Variants in APOBEC3A observed in about 807,000 individuals in gnomAD.
APOBEC3A encodes DNA dC->dU-editing enzyme APOBEC-3A.
In APOBEC3A, 13 loss-of-function variants were observed where a neutral mutation model predicts 23.0. The ratio of observed to expected loss-of-function variants is 0.57; its 90% CI spans 0.37 to 0.90. The LOEUF (loss-of-function observed/expected upper bound fraction) is 0.90, where lower values mean the gene tolerates loss of function less well. APOBEC3A is among the 40% of genes least tolerant of loss of function. The probability of loss-of-function intolerance (pLI) is 0.01; values close to 1 mark genes in which losing one functional copy is unlikely to be tolerated. For missense variants in APOBEC3A, 179 were observed against 264.9 expected, an observed-to-expected ratio of 0.68 and a Z score of 2.25; for synonymous variants, 74 against 101.3, an observed-to-expected ratio of 0.73 and a Z score of 1.62.
intron 2 of APOBEC3A, 37 bp downstream of exon 2, chr22:38,959,723 T>G: frequency 6.2e-7 from 1 of 1,601,708 alleles, no homozygotes. Context: ...GGCAGGGCCC[T>G]TCCAATCCAG....
intron 3 of APOBEC3A, 40 bp downstream of exon 3, chr22:38,961,721 G>C: frequency 8.7e-7 from 1 of 1,146,348 alleles, no homozygotes; most frequent in East Asian, 2.6e-5. Context: ...GTGGGTGGGG[G>C]CAGGAGAGGT....
Position 38,957,726 on chromosome 22 carries a change from G to C in APOBEC3A, c.29+6G>C, listed in dbSNP as rs1243773924. ...AGCCCAGCATCCGGGCCCAGGTATG[G>C]GAAGCCCCTCCGAGCACCTCTGCGC... On this transcript the variant is annotated splice_donor_region_variant and intron_variant, in intron 1 of 4. Transcript: ENST00000249116. 1.9e-6 allele frequency: 3 copies of C among 1,611,732 alleles called. No individual in the cohort carries two copies. The highest frequency in any genetic ancestry group is 1.3e-5 in the African/African-American group (1 of 74,872).
chr22:38,958,110 C>G (rs946924408), intron 1 of APOBEC3A, among the ~76,000 whole-genome samples: 1 of 152,210 alleles, frequency 6.6e-6, no homozygotes, highest in African/African-American at 2.4e-5. Context: ...AGTGTCATCT[C>G]GTTCTCCCTA....
chr22:38,962,619 C>T lies in APOBEC3A; in HGVS notation c.*110C>T. On this transcript the variant is annotated 3_prime_UTR_variant, in exon 5 of 5. Transcript: ENST00000249116. ...CCGTTCACCACCATCTCCAGCTGCTCACAGACGCCAGCAAAGCAGTATGCT... is the reference window on the plus strand; with the variant it reads ...CCGTTCACCACCATCTCCAGCTGCTTACAGACGCCAGCAAAGCAGTATGCT... The T allele has an allele frequency of 6.3e-7, 1 of 1,585,266 alleles. No homozygotes were observed.
chr22:38,960,865 A>G (rs1922847567), intron 2 of APOBEC3A, among the ~76,000 whole-genome samples: 1 of 151,648 alleles, frequency 6.6e-6, no homozygotes, highest in Admixed American at 6.6e-5. Context: ...CAGGCCAATG[A>G]CCTCGGGGCT....
intron 1 of APOBEC3A, among the ~76,000 whole-genome samples, chr22:38,958,143 T>A (rs767805947): frequency 3.9e-5 from 6 of 152,206 alleles, no homozygotes; most frequent in Non-Finnish European, 8.8e-5. Flanking sequence ...GGGGGTTGCT[T>A]GTAGGACTGC....
Position 38,957,723 on chromosome 22 carries a change from A to G in APOBEC3A, c.29+3A>G, listed in dbSNP as rs771846964. 3 of 1,611,998 alleles carry G rather than the reference A, an allele frequency of 1.9e-6. No homozygotes were observed. The highest frequency in any genetic ancestry group is 2.5e-6 in the Non-Finnish European group (3 of 1,179,034). ...GCCAGCCCAGCATCCGGGCCCAGGT[A>G]TGGGAAGCCCCTCCGAGCACCTCTG... On this transcript the variant is annotated splice_donor_region_variant and intron_variant, in intron 1 of 4. Transcript: ENST00000249116.
rs765427744 is a variant in APOBEC3A, at chr22:38,962,146, T to C, written c.518T>C (p.Phe173Ser). 3 of 1,613,202 alleles carry C rather than the reference T, an allele frequency of 1.9e-6. No homozygotes were observed. In the East Asian group the frequency reaches 6.7e-5, roughly 36 times the overall value. The change falls in exon 4 of 5, where the codon TTC (phenylalanine) becomes TCC (serine). Residue 173 changes from phenylalanine to serine, a missense_variant. By Grantham distance (155) the Phe-to-Ser change is radical (BLOSUM62 -2). Transcript: ENST00000249116. ...DTFVDHQGCP[F>S]QPWDGLDEHS... ...TTTGTGGACCACCAGGGATGTCCCTTCCAGCCCTGGGATGGACTAGATGAG... is the reference window on the plus strand; with the variant it reads ...TTTGTGGACCACCAGGGATGTCCCTCCCAGCCCTGGGATGGACTAGATGAG...
chr22:38,960,518 G>A (rs1922832928), intron 2 of APOBEC3A, among the ~76,000 whole-genome samples: 1 of 152,184 alleles, frequency 6.6e-6, no homozygotes. Context: ...TTGCTGCCCT[G>A]CTGTCCCCAA....
At chr22:38,958,796 T>TTTCTTTCTTTCTTTCTTTCC (rs1569027431) in intron 1 of APOBEC3A, among the ~76,000 whole-genome samples, 1 of 135,880 alleles carries the variant, frequency 7.4e-6, no homozygotes, top group African/African-American at 2.7e-5. Flanking sequence ...TCTTTCTTTC[T>TTTCTTTCTTTCTTTCTTTCC]TTCCTTCCTT....
At position 38,962,787 on chromosome 22, in the gene APOBEC3A, T is replaced by A. The variant is rs1922969402; in HGVS notation, c.*278T>A. ...TCCTGGCTAACACGGTGAAACCCTG[T>A]CTCTACTAAAAATACAAAAAATTAG... is the stretch of plus-strand genomic sequence containing the variant. On this transcript the variant is annotated 3_prime_UTR_variant, in exon 5 of 5. Coordinates refer to ENST00000249116, the MANE Select transcript of APOBEC3A (RefSeq NM_145699.4). 1.3e-6 allele frequency: 1 copy of A among 755,896 alleles called. No individual in the cohort carries two copies. Among genetic ancestry groups the A allele is most frequent in the Non-Finnish European group, 1.9e-6 (1 of 514,696 alleles). The allele number at this position is 755,896 out of a possible 1,614,324, so 46.8% of individuals were successfully genotyped here. A position where few individuals can be genotyped will look rare whatever the true frequency, so the allele number is the denominator to read the frequency against.
chr22:38,962,407 C>T (rs1164211199), intron 4 of APOBEC3A, 88 bp from the exon 5 acceptor site: 44 of 1,560,850 alleles, frequency 2.8e-5, no homozygotes, highest in Non-Finnish European at 3.4e-5. Context: ...CCTCCTCTCC[C>T]GTCATTGTCA....
In APOBEC3A at chr22:38,957,653, C is replaced by A; in HGVS notation, c.-39C>A. On this transcript the variant is annotated 5_prime_UTR_variant, in exon 1 of 5. Transcript: ENST00000249116. ...CCACGCCTTGAGCAAGTCGCAAGAGCGGGAGGACACAGACCAGGAACCGAG... is the reference window on the plus strand; with the variant it reads ...CCACGCCTTGAGCAAGTCGCAAGAGAGGGAGGACACAGACCAGGAACCGAG... 1 of 1,608,672 alleles carries A rather than the reference C, an allele frequency of 6.2e-7. No individual in the cohort carries two copies. Among genetic ancestry groups the A allele is most frequent in the Non-Finnish European group, 8.5e-7 (1 of 1,177,148 alleles).
Position 38,962,711 on chromosome 22 carries a change from G to A in APOBEC3A, c.*202G>A, listed in dbSNP as rs927574976. On this transcript the variant is annotated 3_prime_UTR_variant, in exon 5 of 5. Transcript: ENST00000249116. ...GCGGTGGCTCACGCCTGTAATCCCA[G>A]CACTTTGGAGGCCAAGGCGGGTGGA... is the stretch of plus-strand genomic sequence containing the variant. 9.7e-6 allele frequency: 13 copies of A among 1,341,494 alleles called. 2 individuals carry two copies. The East Asian group carries it at 3.7e-4, about 38-fold the overall frequency. The allele number at this position is 1,341,494 out of a possible 1,614,324, so 83.1% of individuals were successfully genotyped here. A position where few individuals can be genotyped will look rare whatever the true frequency, so the allele number is the denominator to read the frequency against.
intron 1 of APOBEC3A, among the ~76,000 whole-genome samples, chr22:38,959,287 C>A (rs559595868): frequency 1.3e-5 from 2 of 152,266 alleles, no homozygotes; most frequent in South Asian, 4.1e-4. Context: ...GAGCAGGGTC[C>A]TCCTCGGAGG....
rs149708297 is a variant in APOBEC3A, at chr22:38,957,698, G to A, written c.7G>A (p.Ala3Thr). Residue 3 changes from alanine to threonine, a missense_variant, in exon 1 of 5, where the codon GCC becomes ACC. Physicochemically the swap from Ala to Thr is moderately conservative, Grantham distance 58. This residue lies in a region of APOBEC3A where 87 missense variants were observed against 74.5 expected (regional missense o/e 1.17). Transcript: ENST00000249116. ME[A>T]SPASGPRHLM... Reference sequence around the variant, plus strand: ...ACCGAGAAGGGACAAGCACATGGAAGCCAGCCCAGCATCCGGGCCCAGGTA... The same window carrying A: ...ACCGAGAAGGGACAAGCACATGGAAACCAGCCCAGCATCCGGGCCCAGGTA... 1.2e-5 allele frequency: 20 copies of A among 1,612,834 alleles called. No individual in the cohort carries two copies. The African/African-American group carries it at 2.7e-4, about 22-fold the overall frequency.
At chr22:38,960,516 C>T (rs1014308128) in intron 2 of APOBEC3A, among the ~76,000 whole-genome samples, 18 of 152,208 alleles carry the variant, frequency 1.2e-4, no homozygotes, top group African/African-American at 3.6e-4. Context: ...CCTTGCTGCC[C>T]TGCTGTCCCC....
rs537029366 is a variant in APOBEC3A, at chr22:38,959,833, G to A, written c.174+147G>A. 102 of 1,202,534 alleles carry A rather than the reference G, an allele frequency of 8.5e-5. No homozygotes were observed. The African/African-American group carries it at 1.3e-3, about 15-fold the overall frequency. The allele number at this position is 1,202,534 out of a possible 1,614,324, so 74.5% of individuals were successfully genotyped here. On this transcript the variant is annotated intron_variant, in intron 2 of 4. Transcript: ENST00000249116. The stretch of plus-strand genomic sequence containing the variant: ...CTGCTGCTGCTTGGCCCTGGGGTTG[G>A]GGGGAGACTTCGGCTTCAGTGACTA...
chr22:38,962,052 C>T (rs536312375), intron 3 of APOBEC3A, 46 bp from the exon 4 acceptor site: 18 of 1,578,630 alleles, frequency 1.1e-5, no homozygotes, highest in Admixed American at 3.4e-5. Flanking sequence ...GGTGCCACCC[C>T]GATCCCACAG....
Sources: allele counts gnomAD v4.1 joint callset (sites outside exome capture counted in the v4.1 genomes callset), GRCh38; gene constraint gnomAD v4.1.1; regional missense constraint gnomAD v4.1.1; transcripts MANE v1.5; gene names NCBI Gene and HGNC (gene_info 2026-07-23, HGNC 2026-07-21).